Variants in TRIB3 observed in about 807,000 individuals in gnomAD.
The protein encoded by TRIB3 is tribbles pseudokinase 3.
In TRIB3, 20 loss-of-function variants were observed where a neutral mutation model predicts 16.6. The observed-to-expected ratio is 1.20, with a 90% CI of 0.85 to 1.75. TRIB3 has a LOEUF of 1.75. Among genes scored for constraint, TRIB3 ranks in the 40% most tolerant of loss-of-function variants. The probability of loss-of-function intolerance (pLI) is 0.00; values close to 1 mark genes in which losing one functional copy is unlikely to be tolerated. For missense variants in TRIB3, 484 were observed against 488.9 expected (o/e 0.99, Z 0.10); for synonymous variants, 208 against 217.0 (o/e 0.96, Z 0.36).
chr20:391,991 C>T (rs1421814619), intron 3 of TRIB3, among the ~76,000 whole-genome samples: 1 of 151,034 alleles, frequency 6.6e-6, no homozygotes, highest in Non-Finnish European at 1.5e-5. Context: ...CACTGCACTC[C>T]AGCCTCGGCA....
chr20:387,663 G>C (rs1234223000), intron 1 of TRIB3, among the ~76,000 whole-genome samples: 2 of 152,026 alleles, frequency 1.3e-5, no homozygotes, highest in Admixed American at 1.3e-4. Context: ...TATATAGAGA[G>C]CTTCCTTGTC....
chr20:382,425 C>A, intron 1 of TRIB3: 1 of 1,112,420 alleles, frequency 9.0e-7, no homozygotes, highest in Non-Finnish European at 1.3e-6. Flanking sequence ...CAGTCTCCTG[C>A]TGCACAGGGC....
At chr20:386,131 T>C (rs1241167890) in intron 1 of TRIB3, among the ~76,000 whole-genome samples, 1 of 152,264 alleles carries the variant, frequency 6.6e-6, no homozygotes, top group East Asian at 1.9e-4. Flanking sequence ...TCCAAAGTGC[T>C]AGGATTACAG....
chr20:390,732 T>G (rs1424532694), intron 2 of TRIB3, among the ~76,000 whole-genome samples: 1 of 152,164 alleles, frequency 6.6e-6, no homozygotes, highest in Non-Finnish European at 1.5e-5. Context: ...CCGGGTGCAG[T>G]GGCTCACACC....
At chr20:387,557 A>G (rs1173926317) in intron 1 of TRIB3, among the ~76,000 whole-genome samples, 3 of 127,928 alleles carry the variant, frequency 2.3e-5, no homozygotes, top group East Asian at 3.0e-4. Context: ...TCTTGGGGAA[A>G]AAAAAAAAAA....
At chr20:390,054 CGGT>C (rs899299624) in intron 2 of TRIB3, among the ~76,000 whole-genome samples, 2 of 152,234 alleles carry the variant, frequency 1.3e-5, no homozygotes, top group Non-Finnish European at 2.9e-5. Context: ...TGGCCGGGCG[CGGT>C]GGCTCACACC....
At chr20:386,953 A>G (rs901857752) in intron 1 of TRIB3, among the ~76,000 whole-genome samples, 2 of 149,960 alleles carry the variant, frequency 1.3e-5, no homozygotes, top group Non-Finnish European at 3.0e-5. Context: ...GGGTTTCACC[A>G]TGTTGGCCAG....
At position 396,289 on chromosome 20, in the gene TRIB3, G is replaced by A. The variant is rs200530153; in HGVS notation, c.676G>A (p.Val226Met). 7.1e-5 allele frequency: 115 copies of A among 1,613,760 alleles called. 1 individual carries two copies. Among genetic ancestry groups the A allele is most frequent in the Middle Eastern group, 1.6e-4 (1 of 6,076 alleles). The change falls in exon 4 of 4, where the codon GTG (valine) becomes ATG (methionine). Residue 226 changes from valine to methionine, a missense_variant. Physicochemically the swap from Val to Met is conservative, Grantham distance 21. Coordinates refer to ENST00000217233, the MANE Select transcript of TRIB3 (RefSeq NM_021158.5). ...GGACAAGCACGCGTGCCCAGCCTACGTGGGACCTGAGATACTCAGCTCACG... is the reference window on the plus strand; with the variant it reads ...GGACAAGCACGCGTGCCCAGCCTACATGGGACCTGAGATACTCAGCTCACG... ...LWDKHACPAY[V>M]GPEILSSRAS...
rs1338431978 is a variant in TRIB3, at chr20:381,105, C to T, written c.-65C>T. The T allele has an allele frequency of 6.6e-6, 1 of 152,036 alleles. No individual in the cohort carries two copies. Among genetic ancestry groups the T allele is most frequent in the East Asian group, 1.9e-4 (1 of 5,140 alleles). The allele number at this position is 152,036 out of a possible 1,614,324, so 9.4% of individuals were successfully genotyped here. A position where few individuals can be genotyped will look rare whatever the true frequency, so the allele number is the denominator to read the frequency against. On this transcript the variant is annotated 5_prime_UTR_variant, in exon 1 of 4. Coordinates refer to ENST00000217233, the MANE Select transcript of TRIB3 (RefSeq NM_021158.5). ...GCAGCAGCGCAGCGGGCCGGCCCAC[C>T]TGCTGGTGCCCTGGAGGCTCTGAGC...
rs779041981 is a variant in TRIB3, at chr20:388,274, C to A, written c.264C>A (p.Cys88Ter). 1.2e-6 allele frequency: 2 copies of A among 1,612,702 alleles called. No homozygotes were observed. Among genetic ancestry groups the A allele is most frequent in the Non-Finnish European group, 1.7e-6 (2 of 1,179,812 alleles). ...EGGRAYQALH[C>*]PTGTEYTCKV... The stretch of plus-strand genomic sequence containing the variant: ...GGCGGGCCTACCAGGCCCTGCACTG[C>A]CCTACAGGCACTGAGTATACCTGCA... Residue 88 changes from cysteine to a stop codon, truncating the protein, a stop_gained, in exon 2 of 4, where the codon TGC becomes TGA. Transcript: ENST00000217233. LOFTEE classifies it high-confidence loss of function.
In TRIB3 at chr20:388,162, G is replaced by C; in HGVS notation, c.152G>C (p.Ser51Thr). The change falls in exon 2 of 4, where the codon AGC (serine) becomes ACC (threonine). Residue 51 changes from serine to threonine, a missense_variant. Physicochemically the swap from Ser to Thr is moderately conservative, Grantham distance 58. Coordinates refer to ENST00000217233, the MANE Select transcript of TRIB3 (RefSeq NM_021158.5). ...PRLPPCLLPL[S>T]PPTAPDRATA... The stretch of plus-strand genomic sequence containing the variant: ...CTGCCCCCCTGCCTGTTGCCCCTGA[G>C]CCCACCTACTGCTCCAGATCGTGCA... 1 of 1,614,026 alleles carries C rather than the reference G, an allele frequency of 6.2e-7. No homozygotes were observed. Among genetic ancestry groups the C allele is most frequent in the Non-Finnish European group, 8.5e-7 (1 of 1,180,016 alleles).
At chr20:390,009 C>T (rs1252860811) in intron 2 of TRIB3, among the ~76,000 whole-genome samples, 1 of 152,172 alleles carries the variant, frequency 6.6e-6, no homozygotes, top group Non-Finnish European at 1.5e-5. Flanking sequence ...GAGATACAGA[C>T]ACTAAACAAG....
rs768083375 is a variant in TRIB3 at position 391,308 on chromosome 20, CT to C, written c.314del (p.Leu105ArgfsTer105). On this transcript the variant is annotated frameshift_variant, in exon 3 of 4. Coordinates refer to ENST00000217233, the MANE Select transcript of TRIB3 (RefSeq NM_021158.5). LOFTEE classifies it high-confidence loss of function. ...TCKVYPVQEA[L>X]AVLEPYARLP... is the part of the protein sequence containing the mutation. Reference sequence around the variant, plus strand: ...ACAGGTGTACCCCGTCCAGGAAGCCCTGGCCGTGCTGGAGCCCTATGCGCGG... The same window carrying C: ...ACAGGTGTACCCCGTCCAGGAAGCCCGGCCGTGCTGGAGCCCTATGCGCGG... 1.5e-5 allele frequency: 24 copies of C among 1,612,604 alleles called. No individual in the cohort carries two copies. The highest frequency in any genetic ancestry group is 1.9e-5 in the Non-Finnish European group (23 of 1,179,986).
chr20:381,043 C>CGGGCAGGGCTG lies in TRIB3; in HGVS notation c.-125_-115dup, dbSNP rs1371777242. ...TCCGCGCGCGTCCGCTGCTAGGACC[C>CGGGCAGGGCTG]GGGCAGGGCTGGAGCTGGGCTGGGA... On this transcript the variant is annotated 5_prime_UTR_variant, in exon 1 of 4. Transcript: ENST00000217233. 1 of 149,914 alleles carries CGGGCAGGGCTG rather than the reference C, an allele frequency of 6.7e-6. No homozygotes were observed. Among genetic ancestry groups the CGGGCAGGGCTG allele is most frequent in the East Asian group, 2.0e-4 (1 of 5,074 alleles). The allele number at this position is 149,914 out of a possible 1,614,324, so 9.3% of individuals were successfully genotyped here.
intron 1 of TRIB3, among the ~76,000 whole-genome samples, chr20:382,130 T>TGCGCGC (rs907553634): frequency 7.2e-4 from 97 of 135,184 alleles, no homozygotes; most frequent in Middle Eastern, 7.6e-3. Flanking sequence ...TGTGTGTGCG[T>TGCGCGC]GCGCGCGCGC....
intron 3 of TRIB3, among the ~76,000 whole-genome samples, chr20:394,032 CTT>C (rs745870371): frequency 1.1e-4 from 14 of 123,608 alleles, no homozygotes; most frequent in Admixed American, 2.6e-4. Flanking sequence ...TTCTTTCTTT[CTT>C]TTTTTTTTTT....
intron 3 of TRIB3, among the ~76,000 whole-genome samples, chr20:395,437 C>T (rs954648258): frequency 2.6e-5 from 4 of 151,762 alleles, no homozygotes; most frequent in East Asian, 3.9e-4. Context: ...CTAGGATTAC[C>T]GGCATGAGCC....
chr20:386,014 C>T (rs1364867615), intron 1 of TRIB3, among the ~76,000 whole-genome samples: 1 of 151,944 alleles, frequency 6.6e-6, no homozygotes, highest in Non-Finnish European at 1.5e-5. Flanking sequence ...TCCACCACCA[C>T]ACCCAGCTAA....
chr20:382,987 CTTT>C (rs2014704852), intron 1 of TRIB3, among the ~76,000 whole-genome samples: 1 of 152,206 alleles, frequency 6.6e-6, no homozygotes, highest in African/African-American at 2.4e-5. Flanking sequence ...TTGGGAAGGT[CTTT>C]AACCAGGCTG....
Sources: allele counts gnomAD v4.1 joint callset (sites outside exome capture counted in the v4.1 genomes callset), GRCh38; gene constraint gnomAD v4.1.1; transcripts MANE v1.5; gene names NCBI Gene and HGNC (gene_info 2026-07-23, HGNC 2026-07-21).